ARSJ: variants seen among roughly 807,000 people sequenced by gnomAD.
The protein encoded by ARSJ is arylsulfatase J.
ARSJ carries 26 observed loss-of-function variants against 35.9 expected under a neutral mutation model. That is an observed-to-expected ratio of 0.72 (90% confidence interval 0.53 to 1.00). The LOEUF (loss-of-function observed/expected upper bound fraction) is 1.00. Ranked by LOEUF, ARSJ falls within the 50% of genes least tolerant of loss-of-function variation. The probability of loss-of-function intolerance (pLI) is 0.00; values close to 1 mark genes in which losing one functional copy is unlikely to be tolerated. For missense variants in ARSJ, 667 were observed against 723.6 expected (o/e 0.92, Z 0.90); for synonymous variants, 294 against 267.6 (o/e 1.10, Z -0.96).
At chr4:113,976,734 G>A (rs1187523634) in intron 1 of ARSJ, among the ~76,000 whole-genome samples, 1 of 152,140 alleles carries the variant, frequency 6.6e-6, no homozygotes, top group Non-Finnish European at 1.5e-5. Flanking sequence ...TATACAACCT[G>A]TTGCACTAAA....
chr4:113,965,990 T>A (rs1290814351), intron 1 of ARSJ, among the ~76,000 whole-genome samples: 2 of 151,992 alleles, frequency 1.3e-5, no homozygotes, highest in Non-Finnish European at 2.9e-5. Context: ...AAGGTAATTT[T>A]AAAAAATCTG....
chr4:113,926,325 T>C (rs115265168), intron 1 of ARSJ, among the ~76,000 whole-genome samples: 2,068 of 152,272 alleles, frequency 0.014, 43 homozygotes, highest in African/African-American at 0.047. Flanking sequence ...TCTCCTTCCA[T>C]GCAAAATGCA....
intron 1 of ARSJ, among the ~76,000 whole-genome samples, chr4:113,918,940 A>G (rs1043000429): frequency 3.9e-5 from 6 of 152,002 alleles, no homozygotes; most frequent in African/African-American, 1.5e-4. Flanking sequence ...CTAAGCGCGC[A>G]TGTCGCCATG....
chr4:113,943,341 T>C (rs1725275741), intron 1 of ARSJ: 1 of 152,080 alleles, frequency 6.6e-6, no homozygotes, highest in Admixed American at 6.6e-5. Flanking sequence ...CCTAGGATCA[T>C]GACTGCCCTG....
chr4:113,900,300 CTTTATT>C lies in ARSJ; in HGVS notation c.*1968_*1973del, dbSNP rs758043896. On this transcript the variant is annotated 3_prime_UTR_variant, in exon 2 of 2. Coordinates refer to ENST00000315366, the MANE Select transcript of ARSJ (RefSeq NM_024590.4). ...GGAAAGAAAAACATGAACAATATGCCTTTATTTTTAAGACTCATTTAAAAGATACTG... is the reference window on the plus strand; with the variant it reads ...GGAAAGAAAAACATGAACAATATGCCTTTAAGACTCATTTAAAAGATACTG... The C allele has an allele frequency of 6.6e-6, 1 of 151,968 alleles. No homozygotes were observed. Among genetic ancestry groups the C allele is most frequent in the Non-Finnish European group, 1.5e-5 (1 of 67,978 alleles). 9.4% of individuals were successfully genotyped at this position (151,968 alleles called of 1,614,324 possible).
chr4:113,967,813 T>G (rs1466510485), intron 1 of ARSJ, among the ~76,000 whole-genome samples: 1 of 152,166 alleles, frequency 6.6e-6, no homozygotes, highest in Non-Finnish European at 1.5e-5. Flanking sequence ...CCTCTTAAAT[T>G]TTAAGCTATT....
chr4:113,932,037 A>G (rs974058835), intron 1 of ARSJ, among the ~76,000 whole-genome samples: 1 of 152,100 alleles, frequency 6.6e-6, no homozygotes, highest in Non-Finnish European at 1.5e-5. Context: ...TAGAAACTTA[A>G]AAAGACCAGG....
At chr4:113,937,192 C>A (rs180803030) in intron 1 of ARSJ, among the ~76,000 whole-genome samples, 1 of 151,882 alleles carries the variant, frequency 6.6e-6, no homozygotes, top group Non-Finnish European at 1.5e-5. Flanking sequence ...ATTCTCAGTG[C>A]TCACACATTA....
chr4:113,977,646 T>C (rs965007322), intron 1 of ARSJ, among the ~76,000 whole-genome samples: 2 of 152,196 alleles, frequency 1.3e-5, no homozygotes, highest in Non-Finnish European at 2.9e-5. Context: ...TCTGATAGGA[T>C]AGAGTAAAAA....
chr4:113,973,075 G>A (rs1290683598), intron 1 of ARSJ, among the ~76,000 whole-genome samples: 3 of 152,132 alleles, frequency 2.0e-5, no homozygotes, highest in Non-Finnish European at 2.9e-5. Flanking sequence ...GCTCGCTGTC[G>A]TCTTTGCTAC....
chr4:113,969,404 T>A (rs1252732739), intron 1 of ARSJ, among the ~76,000 whole-genome samples: 1 of 152,284 alleles, frequency 6.6e-6, no homozygotes, highest in East Asian at 1.9e-4. Context: ...ATGAGAGCTA[T>A]GACTATACTT....
intron 1 of ARSJ, among the ~76,000 whole-genome samples, chr4:113,928,885 T>C (rs1273555209): frequency 2.0e-5 from 3 of 152,124 alleles, no homozygotes; most frequent in African/African-American, 7.2e-5. Flanking sequence ...TACTCCACCA[T>C]CCCAATCTCC....
intron 1 of ARSJ, among the ~76,000 whole-genome samples, chr4:113,927,879 A>G (rs1212507777): frequency 2.0e-5 from 3 of 151,954 alleles, no homozygotes; most frequent in African/African-American, 7.3e-5. Context: ...ATTATTTTTG[A>G]CTCACTATTT....
intron 1 of ARSJ, among the ~76,000 whole-genome samples, chr4:113,962,606 C>T (rs1726623397): frequency 6.6e-6 from 1 of 151,540 alleles, no homozygotes; most frequent in Non-Finnish European, 1.5e-5. Context: ...GCAGAATATA[C>T]TCAGAATCCA....
chr4:113,903,707 G>T, intron 1 of ARSJ, 32 bp from the exon 2 acceptor site: 1 of 1,562,148 alleles, frequency 6.4e-7, no homozygotes, highest in Non-Finnish European at 8.7e-7. Context: ...TGTTATCAGG[G>T]CAGGATAAAA....
At chr4:113,948,189 A>T (rs182300344) in intron 1 of ARSJ, among the ~76,000 whole-genome samples, 1 of 149,628 alleles carries the variant, frequency 6.7e-6, no homozygotes, top group Non-Finnish European at 1.5e-5. Context: ...ATTCTGTCTT[A>T]AAAAAAAATT....
In ARSJ at chr4:113,903,115, C is replaced by T; in HGVS notation, c.959G>A (p.Ser320Asn). The T allele has an allele frequency of 6.2e-7, 1 of 1,614,160 alleles. No homozygotes were observed. Residue 320 changes from serine (S) to asparagine (N), a missense_variant, in exon 2 of 2, where the codon AGC becomes AAC. Transcript: ENST00000315366. ...ALKTYGFYNNSIIIYSSDNGG... is the reference protein window; with the variant it reads ...ALKTYGFYNNNIIIYSSDNGG... ...ATTATCTGAAGAGTAAATGATAATG[C>T]TGTTGTTATAGAAACCATAAGTCTT...
chr4:113,903,846 C>T (rs2099667905), intron 1 of ARSJ, among the ~76,000 whole-genome samples, 171 bp from the exon 2 acceptor site: 1 of 152,204 alleles, frequency 6.6e-6, no homozygotes, highest in African/African-American at 2.4e-5. Context: ...ACAAGTCTTA[C>T]TCTAATTAAC....
intron 1 of ARSJ, among the ~76,000 whole-genome samples, chr4:113,950,331 G>A (rs907750539): frequency 2.4e-4 from 36 of 152,174 alleles, no homozygotes; most frequent in Admixed American, 2.2e-3. Flanking sequence ...TGCCTCTGCT[G>A]CAACCTCATC....
Sources: allele counts gnomAD v4.1 joint callset (sites outside exome capture counted in the v4.1 genomes callset), GRCh38; gene constraint gnomAD v4.1.1; transcripts MANE v1.5; gene names NCBI Gene and HGNC (gene_info 2026-07-23, HGNC 2026-07-21).